Variants in THOC7 observed in about 807,000 individuals in gnomAD.
THOC7 encodes the protein NIF3L1-binding protein 1.
In THOC7, 22 loss-of-function variants were observed where a neutral mutation model predicts 33.1. The observed-to-expected ratio is 0.66, with a 90% CI of 0.47 to 0.95. The LOEUF (loss-of-function observed/expected upper bound fraction) is 0.95, where lower values mean the gene tolerates loss of function less well. Among genes scored for constraint, THOC7 ranks in the 40% least tolerant of loss-of-function variants. The pLI, the probability that THOC7 is intolerant of heterozygous loss-of-function variation, is 0.00. For synonymous variants in THOC7, 77 were observed against 76.8 expected, an observed-to-expected ratio of 1.00 and a Z score of -0.01; for missense variants, 184 against 245.3, an observed-to-expected ratio of 0.75 and a Z score of 1.67.
Position 63,838,013 on chromosome 3 carries a change from T to G in THOC7, c.315A>C (p.Gln105His). The G allele has an allele frequency of 6.2e-7, 1 of 1,609,822 alleles. No homozygotes were observed. Among genetic ancestry groups the G allele is most frequent in the Non-Finnish European group, 8.5e-7 (1 of 1,178,404 alleles). Residue 105 changes from glutamine (Q) to histidine (H), a missense_variant, in exon 4 of 8, where the codon CAA becomes CAC. Physicochemically the swap from Gln to His is conservative, Grantham distance 24 (BLOSUM62 0). Coordinates refer to ENST00000295899, the MANE Select transcript of THOC7 (RefSeq NM_025075.4). ...TTCGTATTCGTTTTGCTTGAAGAAT[T>G]TGCTTTTTGCACTCAGCAATTTTTT... ...AHEKIAECKKQILQAKRIRKN... is the reference protein window; with the variant it reads ...AHEKIAECKKHILQAKRIRKN...
In THOC7 at chr3:63,835,160, A is replaced by G. The variant is rs936856676; in HGVS notation, c.541T>C (p.Leu181=). Residue 181 remains leucine, a synonymous_variant, in exon 7 of 8, where the codon TTG becomes CTG. Coordinates refer to ENST00000295899, the MANE Select transcript of THOC7 (RefSeq NM_025075.4). ...TGAGACTATTTCTACTTACTTTCCA[A>G]TGTTTGCTGAAGTTCATGGATGGTA... ...LSTIHELQQT[L]ENDEKLSEVE... 4.3e-6 allele frequency: 7 copies of G among 1,613,352 alleles called. No individual in the cohort carries two copies. The highest frequency in any genetic ancestry group is 4.2e-6 in the Non-Finnish European group (5 of 1,179,732).
chr3:63,835,686 G>A (rs978631496), intron 5 of THOC7, among the ~76,000 whole-genome samples: 3 of 152,086 alleles, frequency 2.0e-5, no homozygotes, highest in South Asian at 2.1e-4. Context: ...GTTTAACTTC[G>A]AGGGTTTTTT....
Position 63,838,482 on chromosome 3 carries a change from C to T in THOC7, c.155G>A (p.Arg52His), listed in dbSNP as rs775727626. 1.2e-6 allele frequency: 2 copies of T among 1,606,538 alleles called. No homozygotes were observed. The highest frequency in any genetic ancestry group is 1.1e-5 in the South Asian group (1 of 89,278). ...SQEEGYSQYQ[R>H]MLSTLSQCEF... ...ACATTGAGACAGCGTGCTCAGCATA[C>T]GTTGGTACTGGCTATATCTAATGAA... The change falls in exon 3 of 8, where the codon CGT (arginine) becomes CAT (histidine). Residue 52 changes from arginine to histidine, a missense_variant. Arg to His is a conservative substitution (Grantham distance 29). Around this residue, in one of 3 missense-constraint regions of THOC7, gnomAD observed 157 missense variants for 201.3 expected, o/e 0.78. Coordinates refer to ENST00000295899, the MANE Select transcript of THOC7 (RefSeq NM_025075.4).
At chr3:63,860,378 T>A (rs1033276447) in intron 1 of THOC7, among the ~76,000 whole-genome samples, 2 of 152,200 alleles carry the variant, frequency 1.3e-5, no homozygotes, top group African/African-American at 4.8e-5. Context: ...CTTTCTAAAT[T>A]GTGATTTAGC....
chr3:63,834,516 T>C (rs973056921), intron 7 of THOC7, among the ~76,000 whole-genome samples: 3 of 151,676 alleles, frequency 2.0e-5, no homozygotes, highest in Non-Finnish European at 4.4e-5. Context: ...TAAAATTAGC[T>C]GGGTGTGGTG....
intron 1 of THOC7, among the ~76,000 whole-genome samples, chr3:63,856,964 C>T (rs929885841): frequency 4.6e-5 from 7 of 152,174 alleles, no homozygotes; most frequent in Non-Finnish European, 7.3e-5. Flanking sequence ...GTGACCTACC[C>T]GCCTCGGCCT....
chr3:63,845,295 G>C (rs1282602632), intron 1 of THOC7, among the ~76,000 whole-genome samples: 3 of 152,326 alleles, frequency 2.0e-5, no homozygotes. Context: ...CAGGGCACAT[G>C]ACTTCTGGGT....
In THOC7 at chr3:63,839,747, T is replaced by A. The variant is rs577187742; in HGVS notation, c.46A>T (p.Ile16Phe). 6.2e-7 allele frequency: 1 copy of A among 1,613,326 alleles called. No individual in the cohort carries two copies. The highest frequency in any genetic ancestry group is 1.1e-5 in the South Asian group (1 of 91,050). Residue 16 changes from isoleucine to phenylalanine, a missense_variant, in exon 2 of 8, where the codon ATT (isoleucine) becomes TTT (phenylalanine). Coordinates refer to ENST00000295899, the MANE Select transcript of THOC7 (RefSeq NM_025075.4). Reference sequence around the variant, plus strand: ...TCATCTCCAGCACCATCTCCATCAATGAGGAGACGCTTCCGTATAACTTCG... The same window carrying A: ...TCATCTCCAGCACCATCTCCATCAAAGAGGAGACGCTTCCGTATAACTTCG... ...DDEVIRKRLL[I>F]DGDGAGDDRR...
chr3:63,854,839 T>G (rs1702081612), intron 1 of THOC7: 1 of 151,854 alleles, frequency 6.6e-6, no homozygotes, highest in African/African-American at 2.4e-5. Context: ...AAACCCCGTC[T>G]CTACTAAAAA....
At chr3:63,858,270 G>A (rs1266137755) in intron 1 of THOC7, among the ~76,000 whole-genome samples, 1 of 152,124 alleles carries the variant, frequency 6.6e-6, no homozygotes, top group Non-Finnish European at 1.5e-5. Context: ...ACTCTACAAA[G>A]TGTGTACTAT....
At chr3:63,838,673 A>G (rs2107123705) in intron 2 of THOC7, among the ~76,000 whole-genome samples, 174 bp from the exon 3 acceptor site, 1 of 152,304 alleles carries the variant, frequency 6.6e-6, no homozygotes, top group Non-Finnish European at 1.5e-5. Context: ...CAAATGTAGT[A>G]TTCTTGAATT....
At chr3:63,854,915 G>T (rs1702082755) in intron 1 of THOC7, among the ~76,000 whole-genome samples, 2 of 151,626 alleles carry the variant, frequency 1.3e-5, no homozygotes, top group South Asian at 4.2e-4. Flanking sequence ...GGCTGAGGCA[G>T]GAGAATGGCG....
Position 63,838,038 on chromosome 3 carries a change from T to C in THOC7, c.290A>G (p.Glu97Gly), listed in dbSNP as rs1701670780. ...EIECSIAGAH[E>G]KIAECKKQIL... ...TTGCTTTTTGCACTCAGCAATTTTT[T>C]CATGTGCTCCAGCTATGCTACATTC... is the stretch of plus-strand genomic sequence containing the variant. Residue 97 changes from glutamate to glycine, a missense_variant, in exon 4 of 8, where the codon GAA becomes GGA. Coordinates refer to ENST00000295899, the MANE Select transcript of THOC7 (RefSeq NM_025075.4). 2 of 1,609,598 alleles carry C rather than the reference T, an allele frequency of 1.2e-6. No individual in the cohort carries two copies. Among genetic ancestry groups the C allele is most frequent in the African/African-American group, 1.3e-5 (1 of 74,710 alleles).
At chr3:63,864,118 C>T (rs1336665384), upstream of THOC7, among the ~76,000 whole-genome samples, 4 of 148,090 alleles carry the variant, frequency 2.7e-5, no homozygotes, top group South Asian at 2.1e-4. Flanking sequence ...CCGCCCGGCC[C>T]ACGCCCAGAG....
intron 4 of THOC7, among the ~76,000 whole-genome samples, chr3:63,837,292 T>C (rs1185387545): frequency 6.6e-6 from 1 of 152,022 alleles, no homozygotes; most frequent in Non-Finnish European, 1.5e-5. Flanking sequence ...TTTTCTATTT[T>C]CTTCTAGTTT....
At chr3:63,846,086 T>G (rs1351114396) in intron 1 of THOC7, 1 of 302,690 alleles carries the variant, frequency 3.3e-6, no homozygotes, top group East Asian at 1.2e-4. Context: ...AAGCTGGAAA[T>G]GGAAGATATT....
intron 1 of THOC7, chr3:63,846,006 T>G (rs1701886007): frequency 5.5e-6 from 1 of 181,204 alleles, no homozygotes. Context: ...CTTATTGGCA[T>G]TCAGAAGCCT....
At chr3:63,857,961 G>A (rs948291305) in intron 1 of THOC7, among the ~76,000 whole-genome samples, 1 of 152,176 alleles carries the variant, frequency 6.6e-6, no homozygotes, top group East Asian at 1.9e-4. Flanking sequence ...AGTTATCCCT[G>A]TGTTGGGGCC....
chr3:63,860,812 G>T (rs925029565), intron 1 of THOC7: 2 of 152,016 alleles, frequency 1.3e-5, no homozygotes, highest in African/African-American at 4.8e-5. Flanking sequence ...CTAGCATAAG[G>T]CATATAAATA....
Sources: allele counts gnomAD v4.1 joint callset (sites outside exome capture counted in the v4.1 genomes callset), GRCh38; gene constraint gnomAD v4.1.1; regional missense constraint gnomAD v4.1.1; transcripts MANE v1.5; gene names NCBI Gene and HGNC (gene_info 2026-07-23, HGNC 2026-07-21).